The following ASTN2 variants were observed in gnomAD, a reference collection of about 807,000 sequenced individuals.
ASTN2 encodes the protein astrotactin-2.
In ASTN2, 54 loss-of-function variants were observed where a neutral mutation model predicts 139.8. The observed-to-expected ratio is 0.39, with a 90% CI of 0.31 to 0.48. ASTN2 has a LOEUF of 0.48. ASTN2 is among the 20% of genes least tolerant of loss of function. ASTN2 has a pLI of 0.95. For missense variants in ASTN2, 1,565 were observed against 1,725.1 expected, an observed-to-expected ratio of 0.91 and a Z score of 1.64; for synonymous variants, 756 against 719.5, an observed-to-expected ratio of 1.05 and a Z score of -0.81.
rs569348406 is a variant in ASTN2 at position 117,018,258 on chromosome 9, A to T, written c.1424-9999T>A. Among the ~76,000 whole-genome samples the T allele has an allele frequency of 2.0e-5, 3 of 152,166 alleles. No homozygotes were observed. The South Asian group carries it at 6.2e-4, about 31-fold the overall frequency. On this transcript the variant is annotated intron_variant, in intron 6 of 22. Transcript: ENST00000313400. The stretch of plus-strand genomic sequence containing the variant: ...GTGCACCTTGTGGCCTACAGGACCC[A>T]CCAGCTTCACTATGCTCCCTGCAGC...
intron 2 of ASTN2, among the ~76,000 whole-genome samples, chr9:117,231,164 G>A (rs1006073555): frequency 6.6e-6 from 1 of 152,222 alleles, no homozygotes; most frequent in Non-Finnish European, 1.5e-5. Context: ...TGTCTGTGAA[G>A]TGATGTTAGC....
In ASTN2 at chr9:116,522,648, C is replaced by T. The variant is rs372218193; in HGVS notation, c.3356-35148G>A. 4.0e-5 allele frequency among the ~76,000 whole-genome samples: 6 copies of T among 151,846 alleles called. No homozygotes were observed. In the East Asian group the frequency reaches 1.2e-3, roughly 29 times the overall value. On this transcript the variant is annotated intron_variant, in intron 19 of 22. Transcript: ENST00000313400. ...CATGTAATCAAATACCACCTGTTTC[C>T]CTAAAACGTACTGAAGTAAAAACAT...
Position 116,975,264 on chromosome 9 carries a change from G to A in ASTN2, c.1833C>T (p.Asn611=), listed in dbSNP as rs779865763. ...CATCGGTCTTGCAGCTGGCCAGGGG[G>A]TTGATGGACAGCTCCACAGGCGGAA... ...FVVPPVELSI[N]PLASCKTDVL... The change falls in exon 10 of 23, where the codon AAC becomes AAT. Residue 611 remains asparagine (N), a synonymous_variant. Transcript: ENST00000313400. 6.2e-7 allele frequency: 1 copy of A among 1,613,330 alleles called. No individual in the cohort carries two copies. The highest frequency in any genetic ancestry group is 8.5e-7 in the Non-Finnish European group (1 of 1,179,684).
chr9:117,313,861 C>T (rs1343527743), intron 1 of ASTN2, among the ~76,000 whole-genome samples: 1 of 152,124 alleles, frequency 6.6e-6, no homozygotes, highest in Non-Finnish European at 1.5e-5. Flanking sequence ...CAGACTCAAC[C>T]AGACCTTTCT....
At chr9:117,200,127 A>G (rs574755978) in intron 3 of ASTN2, among the ~76,000 whole-genome samples, 1 of 151,578 alleles carries the variant, frequency 6.6e-6, no homozygotes, top group Non-Finnish European at 1.5e-5. Flanking sequence ...CATGTGCGCA[A>G]TGTGCAGGTT....
intron 10 of ASTN2, among the ~76,000 whole-genome samples, chr9:116,870,174 C>T (rs1402887234): frequency 4.6e-5 from 7 of 152,050 alleles, no homozygotes; most frequent in Admixed American, 3.3e-4. Context: ...AAAGACACAG[C>T]CAGATAAATT....
chr9:116,698,971 G>A lies in ASTN2; in HGVS notation c.2806+26800C>T. Reference sequence around the variant, plus strand: ...GGCTTTTTGAAGGAAATCCGCCGCAGCCCCAGTGGCATTGATAGCTTTGTG... The same window carrying A: ...GGCTTTTTGAAGGAAATCCGCCGCAACCCCAGTGGCATTGATAGCTTTGTG... On this transcript the variant is annotated intron_variant, in intron 16 of 22. Transcript: ENST00000313400. The surrounding 1 kb of genome is among the most constrained non-coding windows in gnomAD (Gnocchi z 4.4). The A allele has an allele frequency of 1.9e-6, 3 of 1,614,158 alleles. No homozygotes were observed. Among genetic ancestry groups the A allele is most frequent in the Non-Finnish European group, 2.5e-6 (3 of 1,180,048 alleles).
chr9:116,540,709 A>G (rs370447313), intron 19 of ASTN2: 3 of 152,254 alleles, frequency 2.0e-5, no homozygotes, highest in Non-Finnish European at 2.9e-5. Context: ...ACAATAGAAG[A>G]GAATGGCTGC....
rs781010466 is a variant in ASTN2, at chr9:116,863,724, C to T, written c.1899G>A (p.Ala633=). The part of the protein sequence containing the change: ...TEDPADVREE[A]MLSTYFETIN... The stretch of plus-strand genomic sequence containing the variant: ...TGGTTTCAAAGTATGTGGACAGCAT[C>T]GCTTCTTCCCTTGGAGAGAAAGGGG... Residue 633 remains alanine (A), a synonymous_variant, in exon 11 of 23, where the codon GCG becomes GCA. Coordinates refer to ENST00000313400, the MANE Select transcript of ASTN2 (RefSeq NM_001365068.1). The T allele has an allele frequency of 8.7e-6, 14 of 1,612,106 alleles. No homozygotes were observed. The highest frequency in any genetic ancestry group is 2.2e-5 in the East Asian group (1 of 44,830).
intron 4 of ASTN2, among the ~76,000 whole-genome samples, chr9:117,118,254 T>C (rs987044958): frequency 2.1e-4 from 32 of 152,110 alleles, no homozygotes; most frequent in African/African-American, 7.2e-4. Context: ...TAAGCCAGAG[T>C]TCTTTTTTGC....
rs759601056 is a variant in ASTN2, at chr9:116,975,296, A to T, written c.1801T>A (p.Phe601Ile). The change falls in exon 10 of 23, where the codon TTT becomes ATT. Residue 601 changes from phenylalanine (F) to isoleucine (I), a missense_variant. Around this residue, in one of 4 missense-constraint regions of ASTN2, gnomAD observed 503 missense variants for 591.7 expected, o/e 0.85. Coordinates refer to ENST00000313400, the MANE Select transcript of ASTN2 (RefSeq NM_001365068.1). ...QGLWLPVSKS[F>I]VVPPVELSIN... ...GACAGCTCCACAGGCGGAACCACAA[A>T]GCTTTTGCTGACAGGAAGCCAGAGG... The T allele has an allele frequency of 1.9e-6, 3 of 1,613,558 alleles. No homozygotes were observed. In the South Asian group the frequency reaches 3.3e-5, roughly 18 times the overall value.
chr9:116,451,435 A>G (rs538165174), intron 20 of ASTN2, among the ~76,000 whole-genome samples: 3 of 148,482 alleles, frequency 2.0e-5, no homozygotes, highest in South Asian at 2.2e-4. Flanking sequence ...TCTGCTAAGC[A>G]CGGAAGAAAC....
At chr9:116,610,963 T>A (rs998251243) in intron 19 of ASTN2, 3 of 152,102 alleles carry the variant, frequency 2.0e-5, no homozygotes, top group South Asian at 2.1e-4. Flanking sequence ...CTAACAGGCA[T>A]TTATAAAATA....
At position 117,391,517 on chromosome 9, in the gene ASTN2, G is replaced by A. The variant is rs143550282; in HGVS notation, c.442+22980C>T. On this transcript the variant is annotated intron_variant, in intron 1 of 22. Coordinates refer to ENST00000313400, the MANE Select transcript of ASTN2 (RefSeq NM_001365068.1). Reference sequence around the variant, plus strand: ...AATTCACTATCATGAGAACAGCATGGGAAAGACCTGCTTCCATGATTCAAT... The same window carrying A: ...AATTCACTATCATGAGAACAGCATGAGAAAGACCTGCTTCCATGATTCAAT... Among the ~76,000 whole-genome samples the A allele has an allele frequency of 5.7e-4, 87 of 152,178 alleles. 1 individual carries two copies. The highest frequency in any genetic ancestry group is 1.8e-3 in the African/African-American group (75 of 41,540).
chr9:117,199,901 C>G (rs559148592), intron 3 of ASTN2, among the ~76,000 whole-genome samples: 357 of 151,500 alleles, frequency 2.4e-3, no homozygotes, highest in Non-Finnish European at 3.1e-3. Flanking sequence ...GAGTTTTATT[C>G]TTTTTGAATG....
At chr9:117,117,393 A>G (rs1336839212) in intron 4 of ASTN2, among the ~76,000 whole-genome samples, 1 of 115,710 alleles carries the variant, frequency 8.6e-6, no homozygotes, top group East Asian at 2.8e-4. Context: ...AAGAACGAAG[A>G]AAGAGAAAAA....
chr9:117,412,790 G>C (rs1323158915), intron 1 of ASTN2, among the ~76,000 whole-genome samples: 2 of 152,182 alleles, frequency 1.3e-5, no homozygotes, highest in Non-Finnish European at 2.9e-5. Flanking sequence ...GATACCTTCT[G>C]TGTCTCTAGA....
chr9:116,474,184 G>A (rs1183088977), intron 20 of ASTN2, among the ~76,000 whole-genome samples: 8 of 152,128 alleles, frequency 5.3e-5, no homozygotes, highest in Non-Finnish European at 1.0e-4. Context: ...CAAGAGGATC[G>A]GGGCAGATGG....
intron 10 of ASTN2, among the ~76,000 whole-genome samples, chr9:116,917,399 G>GC (rs1314466614): frequency 2.0e-5 from 3 of 151,984 alleles, no homozygotes; most frequent in African/African-American, 4.8e-5. Context: ...TCATGATTGA[G>GC]CCCCCCGTTC....
Sources: allele counts gnomAD v4.1 joint callset (sites outside exome capture counted in the v4.1 genomes callset), GRCh38; gene constraint gnomAD v4.1.1; regional missense constraint gnomAD v4.1.1; non-coding constraint Gnocchi (gnomAD v3.1); transcripts MANE v1.5; gene names NCBI Gene and HGNC (gene_info 2026-07-23, HGNC 2026-07-21).